Variants in LENG8 observed in about 807,000 individuals in gnomAD.
The protein encoded by LENG8 is leukocyte receptor cluster member 8.
Under a neutral mutation model 102.1 loss-of-function variants are expected in LENG8, and 28 were observed. The observed-to-expected ratio is 0.27, with a 90% CI of 0.20 to 0.38. The LOEUF (loss-of-function observed/expected upper bound fraction) is 0.38, where lower values mean the gene tolerates loss of function less well. Among genes scored for constraint, LENG8 ranks in the 10% least tolerant of loss-of-function variants. The pLI, the probability that LENG8 is intolerant of heterozygous loss-of-function variation, is 1.00. For synonymous variants in LENG8, 531 were observed against 456.7 expected (o/e 1.16, Z -2.07); for missense variants, 1,022 against 1,113.9 (o/e 0.92, Z 1.17).
rs539586692 is a variant in LENG8, at chr19:54,460,775, T to A, written c.2250T>A (p.Pro750=). 95 of 1,295,922 alleles carry A rather than the reference T, an allele frequency of 7.3e-5. No individual in the cohort carries two copies. Among genetic ancestry groups the A allele is most frequent in the Non-Finnish European group, 8.7e-5 (87 of 997,052 alleles). The allele number at this position is 1,295,922 out of a possible 1,614,324, so 80.3% of individuals were successfully genotyped here. The change falls in exon 16 of 16, where the codon CCT becomes CCA. Residue 750 remains proline, a synonymous_variant. Coordinates refer to ENST00000326764, the MANE Select transcript of LENG8 (RefSeq NM_052925.4). ...ALKAMIKTFR[P]ALPVSYLQAE... is the part of the protein sequence containing the mutation. ...CCTCTTGTCTCCATAGCTTCCGCCC[T>A]GCGCTGCCAGTCTCCTACCTGCAGG...
intron 1 of LENG8, among the ~76,000 whole-genome samples, chr19:54,450,848 G>A (rs137913335): frequency 0.01 from 1,592 of 152,162 alleles, 28 homozygotes; most frequent in African/African-American, 0.036. Context: ...TCGAACTCCC[G>A]ACCTCAGGTG....
Position 54,451,369 on chromosome 19 carries a change from C to T in LENG8, c.25C>T (p.Arg9Cys), listed in dbSNP as rs759093228. Residue 9 changes from arginine (R) to cysteine (C), a missense_variant, in exon 2 of 16, where the codon CGT (arginine) becomes TGT (cysteine). Physicochemically the swap from Arg to Cys is radical, Grantham distance 180. This residue lies in a region of LENG8 where 37 missense variants were observed against 46.3 expected (regional missense o/e 0.80). Coordinates refer to ENST00000326764, the MANE Select transcript of LENG8 (RefSeq NM_052925.4). Reference sequence around the variant, plus strand: ...GATGGCGGCCAACGTGGGTGATCAACGTAGCACAGATTGGTTAGTGAGGCG... The same window carrying T: ...GATGGCGGCCAACGTGGGTGATCAATGTAGCACAGATTGGTTAGTGAGGCG... MAANVGDQ[R>C]STDWSSQYSM... 3.7e-6 allele frequency: 6 copies of T among 1,614,170 alleles called. No individual in the cohort carries two copies. Among genetic ancestry groups the T allele is most frequent in the East Asian group, 2.2e-5 (1 of 44,882 alleles).
rs768271224 is a variant in LENG8, at chr19:54,456,106, G to T, written c.1165G>T (p.Gly389Cys). The change falls in exon 9 of 16, where the codon GGT becomes TGT. Residue 389 changes from glycine (G) to cysteine (C), a missense_variant. Physicochemically the swap from Gly to Cys is radical, Grantham distance 159 (BLOSUM62 -3). Around this residue, in one of 7 missense-constraint regions of LENG8, gnomAD observed 326 missense variants for 324.5 expected, o/e 1.00. Coordinates refer to ENST00000326764, the MANE Select transcript of LENG8 (RefSeq NM_052925.4). ...PSQRGTPGAG[G>C]AGRARGNSFT... ...CCAGCGAGGGACGCCCGGGGCTGGG[G>T]GTGCCGGTCGAGCCCGGGGCAACAG... 2 of 1,609,812 alleles carry T rather than the reference G, an allele frequency of 1.2e-6. No homozygotes were observed. The highest frequency in any genetic ancestry group is 2.2e-5 in the South Asian group (2 of 90,766).
In LENG8 at chr19:54,455,351, T is replaced by C; in HGVS notation, c.822-13T>C. On this transcript the variant is annotated splice_polypyrimidine_tract_variant and intron_variant, in intron 7 of 15. Coordinates refer to ENST00000326764, the MANE Select transcript of LENG8 (RefSeq NM_052925.4). ...ATCGTCTCCAGCTGAGCCCCTCATC[T>C]GTCCTCCCGCAGCGGGTCCTCTGCC... is the stretch of plus-strand genomic sequence containing the variant. The C allele has an allele frequency of 6.2e-7, 1 of 1,613,782 alleles. No individual in the cohort carries two copies. The highest frequency in any genetic ancestry group is 8.5e-7 in the Non-Finnish European group (1 of 1,179,762).
chr19:54,461,395 C>T lies in LENG8; in HGVS notation c.*467C>T, dbSNP rs192699796. The T allele has an allele frequency of 2.2e-3, 1,007 of 458,278 alleles. 2 individuals are homozygous for T. Among genetic ancestry groups the T allele is most frequent in the Non-Finnish European group, 3.5e-3 (791 of 227,934 alleles). The allele number at this position is 458,278 out of a possible 1,614,324, so 28.4% of individuals were successfully genotyped here. ...CCGCCCGCTGCCTCACCTGCTTCGC[C>T]ACAGACTCTTGTTCCCAGCCCCTTG... On this transcript the variant is annotated 3_prime_UTR_variant, in exon 16 of 16. Transcript: ENST00000326764.
Position 54,458,428 on chromosome 19 carries a change from G to C in LENG8, c.2147G>C (p.Arg716Pro). The change falls in exon 15 of 16, where the codon CGG becomes CCG. Residue 716 changes from arginine (R) to proline (P), a missense_variant. Arg to Pro is a moderately radical substitution (Grantham distance 103). This residue lies in a region of LENG8 where 129 missense variants were observed against 123.0 expected (regional missense o/e 1.05). Coordinates refer to ENST00000326764, the MANE Select transcript of LENG8 (RefSeq NM_052925.4). ...WALGNYHRFFRLYCHAPCMSG... is the reference protein window; with the variant it reads ...WALGNYHRFFPLYCHAPCMSG... ...CTGGGCAACTACCACCGCTTTTTCC[G>C]GCTCTACTGCCATGCACCCTGCATG... The C allele has an allele frequency of 6.2e-7, 1 of 1,614,236 alleles. No individual in the cohort carries two copies. The highest frequency in any genetic ancestry group is 8.5e-7 in the Non-Finnish European group (1 of 1,180,050).
intron 8 of LENG8, among the ~76,000 whole-genome samples, 172 bp downstream of exon 8, chr19:54,455,739 G>C (rs941325512): frequency 6.6e-6 from 1 of 152,100 alleles, no homozygotes; most frequent in South Asian, 2.1e-4. Flanking sequence ...CGGTGGGGTG[G>C]GGTGGGGACC....
intron 15 of LENG8, chr19:54,459,084 G>A: frequency 1.4e-6 from 2 of 1,384,810 alleles, no homozygotes; most frequent in Non-Finnish European, 1.9e-6. Context: ...CATTGCGCCT[G>A]GCTTGCTGTG....
chr19:54,460,848 C>T lies in LENG8; in HGVS notation c.2323C>T (p.Pro775Ser). The change falls in exon 16 of 16, where the codon CCC (proline) becomes TCC (serine). Residue 775 changes from proline (P) to serine (S), a missense_variant. Coordinates refer to ENST00000326764, the MANE Select transcript of LENG8 (RefSeq NM_052925.4). ...GEAACRAFLE[P>S]LGLAYTGPDN... ...GGCCGCCTGCCGGGCCTTCCTAGAG[C>T]CCCTGGGCCTGGCCTACACGGGCCC... 1.3e-6 allele frequency: 2 copies of T among 1,572,646 alleles called. No individual in the cohort carries two copies. Among genetic ancestry groups the T allele is most frequent in the South Asian group, 2.3e-5 (2 of 85,528 alleles).
rs1464252878 is a variant in LENG8 at position 54,457,981 on chromosome 19, T to C, written c.1881T>C (p.His627=). 2.5e-6 allele frequency: 4 copies of C among 1,613,644 alleles called. No homozygotes were observed. Among genetic ancestry groups the C allele is most frequent in the African/African-American group, 1.3e-5 (1 of 74,936 alleles). The change falls in exon 13 of 16, where the codon CAT becomes CAC. Residue 627 remains histidine (H), a synonymous_variant. Transcript: ENST00000326764. ...TEFTVEVYET[H]ARIALEKGDH... ...TCACGGTGGAGGTGTACGAGACCCA[T>C]GCCCGGATCGCCTTGGAGAAGGTGA... is the stretch of plus-strand genomic sequence containing the variant.
Position 54,453,668 on chromosome 19 carries a change from G to A in LENG8, c.426+12G>A. The A allele has an allele frequency of 6.3e-7, 1 of 1,589,832 alleles. No individual in the cohort carries two copies. Among genetic ancestry groups the A allele is most frequent in the Non-Finnish European group, 8.6e-7 (1 of 1,159,438 alleles). On this transcript the variant is annotated intron_variant, in intron 5 of 15. Transcript: ENST00000326764. The stretch of plus-strand genomic sequence containing the variant: ...GGACTCTGAACCAGGTAACATCCTA[G>A]CCCAGCTCCCATACCCTGCTCAAGC...
Position 54,457,978 on chromosome 19 carries a change from C to T in LENG8, c.1878C>T (p.Thr626=). 1 of 1,613,772 alleles carries T rather than the reference C, an allele frequency of 6.2e-7. No individual in the cohort carries two copies. Among genetic ancestry groups the T allele is most frequent in the South Asian group, 1.1e-5 (1 of 91,084 alleles). The stretch of plus-strand genomic sequence containing the variant: ...AGTTCACGGTGGAGGTGTACGAGAC[C>T]CATGCCCGGATCGCCTTGGAGAAGG... ...RTEFTVEVYE[T]HARIALEKGD... Residue 626 remains threonine, a synonymous_variant, in exon 13 of 16, where the codon ACC becomes ACT. Transcript: ENST00000326764.
Position 54,461,125 on chromosome 19 carries a change from G to A in LENG8, c.*197G>A. On this transcript the variant is annotated 3_prime_UTR_variant, in exon 16 of 16. Transcript: ENST00000326764. ...TTCTACGTTTTTATTTTTTGCCTCA[G>A]AGGGATGGGATTGGGGAGGAGGGGA... The A allele has an allele frequency of 1.2e-6, 1 of 857,088 alleles. No individual in the cohort carries two copies. The highest frequency in any genetic ancestry group is 1.9e-6 in the Non-Finnish European group (1 of 534,602). The allele number at this position is 857,088 out of a possible 1,614,324, so 53.1% of individuals were successfully genotyped here. A position where few individuals can be genotyped will look rare whatever the true frequency, so the allele number is the denominator to read the frequency against.
intron 15 of LENG8, chr19:54,459,808 G>A: frequency 8.7e-7 from 1 of 1,152,854 alleles, no homozygotes; most frequent in South Asian, 1.7e-5. Context: ...GCCGTGCACA[G>A]AGCTCCATGA....
Position 54,455,558 on chromosome 19 carries a change from C to T in LENG8, c.1016C>T (p.Pro339Leu). Reference sequence around the variant, plus strand: ...TATACCATTGACTGGAGCCGGGAGCCCTTGCCGGGGTTAGTCTGGGTGGGG... The same window carrying T: ...TATACCATTGACTGGAGCCGGGAGCTCTTGCCGGGGTTAGTCTGGGTGGGG... ...SAYTIDWSRE[P>L]LPGLTREPVA... The change falls in exon 8 of 16, where the codon CCC becomes CTC. Residue 339 changes from proline to leucine, a missense_variant. Coordinates refer to ENST00000326764, the MANE Select transcript of LENG8 (RefSeq NM_052925.4). 1 of 1,610,064 alleles carries T rather than the reference C, an allele frequency of 6.2e-7. No individual in the cohort carries two copies. The highest frequency in any genetic ancestry group is 1.1e-5 in the South Asian group (1 of 90,830).
In LENG8 at chr19:54,455,037, G is replaced by A. The variant is rs1465782521; in HGVS notation, c.766G>A (p.Gly256Ser). 2.5e-6 allele frequency: 4 copies of A among 1,614,150 alleles called. No individual in the cohort carries two copies. The highest frequency in any genetic ancestry group is 1.7e-6 in the Non-Finnish European group (2 of 1,180,038). Reference sequence around the variant, plus strand: ...CCAGAGCTTTGGCTCCAACGCAGAGGGCCAGCACAGTGGTTTTGGCCCCCA... The same window carrying A: ...CCAGAGCTTTGGCTCCAACGCAGAGAGCCAGCACAGTGGTTTTGGCCCCCA... ...TTQSFGSNAE[G>S]QHSGFGPQPN... Residue 256 changes from glycine (G) to serine (S), a missense_variant, in exon 7 of 16, where the codon GGC becomes AGC. Gly to Ser is a moderately conservative substitution (Grantham distance 56, BLOSUM62 0). Transcript: ENST00000326764.
rs1166408092 is a variant in LENG8 at position 54,461,888 on chromosome 19, C to T, written c.*960C>T. ...CTGGACTGTCAGGCTGCTTTTTTTC[C>T]AGATGTTCCTCCTCTGCCTCCCCTT... is the stretch of plus-strand genomic sequence containing the variant. On this transcript the variant is annotated 3_prime_UTR_variant, in exon 16 of 16. Coordinates refer to ENST00000326764, the MANE Select transcript of LENG8 (RefSeq NM_052925.4). 1.3e-6 allele frequency: 1 copy of T among 754,600 alleles called. No individual in the cohort carries two copies. Among genetic ancestry groups the T allele is most frequent in the African/African-American group, 1.7e-5 (1 of 58,062 alleles). The allele number at this position is 754,600 out of a possible 1,614,324, so 46.7% of individuals were successfully genotyped here.
At chr19:54,451,089 A>G (rs1316448789) in intron 1 of LENG8, among the ~76,000 whole-genome samples, 4 of 152,032 alleles carry the variant, frequency 2.6e-5, no homozygotes, top group Non-Finnish European at 5.9e-5. Context: ...CTGGAGCTCT[A>G]CAAAGGGGCC....
chr19:54,457,156 C>T (rs1009404868), intron 11 of LENG8, among the ~76,000 whole-genome samples: 10 of 152,250 alleles, frequency 6.6e-5, no homozygotes, highest in Admixed American at 3.9e-4. Context: ...ACCTCTGGGC[C>T]GTGGTTCCTG....
Sources: gnomAD v4.1 joint callset for allele counts (sites outside exome capture counted in the v4.1 genomes callset) on GRCh38, gnomAD v4.1.1 for gene constraint, gnomAD v4.1.1 regional missense constraint, MANE v1.5 for transcripts, NCBI Gene and HGNC (gene_info 2026-07-23, HGNC 2026-07-21) for gene names.